The following SPATS2L variants were observed in gnomAD, a reference collection of about 807,000 sequenced individuals.
The protein encoded by SPATS2L is spermatogenesis associated serine rich 2 like.
In SPATS2L, 30 loss-of-function variants were observed where a neutral mutation model predicts 59.6. The ratio of observed to expected loss-of-function variants is 0.50; its 90% CI spans 0.38 to 0.68. The LOEUF (loss-of-function observed/expected upper bound fraction) is 0.68, where lower values mean the gene tolerates loss of function less well. SPATS2L is among the 30% of genes least tolerant of loss of function. The probability of loss-of-function intolerance (pLI) is 0.00; values close to 1 mark genes in which losing one functional copy is unlikely to be tolerated. For synonymous variants in SPATS2L, 252 were observed against 263.5 expected (o/e 0.96, Z 0.42); for missense variants, 615 against 700.0 (o/e 0.88, Z 1.37).
intron 1 of SPATS2L, among the ~76,000 whole-genome samples, chr2:200,313,283 A>C (rs1045161317): frequency 1.3e-5 from 2 of 152,240 alleles, no homozygotes; most frequent in African/African-American, 4.8e-5. Flanking sequence ...TAATCTACCA[A>C]GACCACAGAT....
At chr2:200,419,128 C>A in intron 5 of SPATS2L, 122 bp from the exon 6 acceptor site, 1 of 867,562 alleles carries the variant, frequency 1.2e-6, no homozygotes, top group Non-Finnish European at 1.7e-6. Context: ...TATTCTTCAT[C>A]CAGTCTATAA....
chr2:200,461,740 A>C (rs1028692296), intron 9 of SPATS2L, among the ~76,000 whole-genome samples: 1 of 152,248 alleles, frequency 6.6e-6, no homozygotes, highest in African/African-American at 2.4e-5. Flanking sequence ...AGAATGAAAG[A>C]TCAGACCAGA....
chr2:200,315,538 A>G (rs2079342719), intron 1 of SPATS2L, among the ~76,000 whole-genome samples: 1 of 152,168 alleles, frequency 6.6e-6, no homozygotes, highest in South Asian at 2.1e-4. Context: ...CTAGTGGGCT[A>G]AGTCCCAACT....
At chr2:200,352,115 G>A (rs987169351) in intron 2 of SPATS2L, among the ~76,000 whole-genome samples, 1 of 152,016 alleles carries the variant, frequency 6.6e-6, no homozygotes, top group African/African-American at 2.4e-5. Flanking sequence ...ATGCCTGACA[G>A]TGTAGCAATG....
intron 2 of SPATS2L, among the ~76,000 whole-genome samples, chr2:200,384,992 C>T (rs545636194): frequency 6.6e-6 from 1 of 152,214 alleles, no homozygotes; most frequent in African/African-American, 2.4e-5. Context: ...GAATAGTTAG[C>T]CCGCAGTAAT....
At chr2:200,419,710 A>ATTTTT (rs3033399) in intron 6 of SPATS2L, among the ~76,000 whole-genome samples, 1 of 131,686 alleles carries the variant, frequency 7.6e-6, no homozygotes, top group African/African-American at 2.8e-5. Context: ...AAGTCAGAGG[A>ATTTTT]TTTTTTTTTT....
At chr2:200,398,855 C>T (rs1295563713) in intron 3 of SPATS2L, among the ~76,000 whole-genome samples, 1 of 151,268 alleles carries the variant, frequency 6.6e-6, no homozygotes, top group Non-Finnish European at 1.5e-5. Flanking sequence ...TAGCACGTAA[C>T]CTCTCAGTAT....
chr2:200,358,991 C>A (rs539617643), intron 2 of SPATS2L, among the ~76,000 whole-genome samples: 1 of 6,816 alleles, frequency 1.5e-4, no homozygotes, highest in East Asian at 0.05. Context: ...GACCCTGACT[C>A]TTAAAAAAAA....
chr2:200,456,598 A>C (rs570866340), intron 8 of SPATS2L, among the ~76,000 whole-genome samples: 9 of 152,332 alleles, frequency 5.9e-5, no homozygotes, highest in African/African-American at 2.2e-4. Flanking sequence ...TTTGATCAAC[A>C]AAAGTGTTAC....
rs183899295 is a variant in SPATS2L at position 200,322,120 on chromosome 2, C to T, written c.-72-7311C>T. 8.5e-5 allele frequency among the ~76,000 whole-genome samples: 13 copies of T among 152,138 alleles called. No homozygotes were observed. In the East Asian group the frequency reaches 2.5e-3, roughly 29 times the overall value. ...GACTTACTCAATATAGTACCTCTTGCGTGTGTGTATTCTTATATGTTTTGG... is the reference window on the plus strand; with the variant it reads ...GACTTACTCAATATAGTACCTCTTGTGTGTGTGTATTCTTATATGTTTTGG... On this transcript the variant is annotated intron_variant, in intron 1 of 12. Coordinates refer to ENST00000409140, the MANE Select transcript of SPATS2L (RefSeq NM_001100423.2).
At chr2:200,451,052 C>G (rs2085402575) in intron 8 of SPATS2L, among the ~76,000 whole-genome samples, 1 of 152,212 alleles carries the variant, frequency 6.6e-6, no homozygotes, top group Non-Finnish European at 1.5e-5. Flanking sequence ...GGCACGGTGG[C>G]TCACACCTGT....
chr2:200,436,031 G>T (rs1373786499), intron 6 of SPATS2L, among the ~76,000 whole-genome samples: 2 of 152,012 alleles, frequency 1.3e-5, no homozygotes, highest in African/African-American at 4.8e-5. Flanking sequence ...ATCTCAATTT[G>T]GACAAGCCAC....
chr2:200,393,354 G>A (rs1356429379), intron 3 of SPATS2L: 6 of 456,544 alleles, frequency 1.3e-5, no homozygotes, highest in Non-Finnish European at 2.6e-5. Context: ...AGGCTGATCT[G>A]TTAGCACACA....
At chr2:200,306,215 A>AAAGCATTACTACCTT, upstream of SPATS2L, 1 of 1,002,142 alleles carries the variant, frequency 1.0e-6, no homozygotes, top group Non-Finnish European at 1.2e-6. Context: ...TCCTCTCCAG[A>AAAGCATTACTACCTT]AAGCATTACT....
At chr2:200,416,517 C>A in intron 5 of SPATS2L, 89 bp downstream of exon 5, 1 of 707,496 alleles carries the variant, frequency 1.4e-6, no homozygotes, top group South Asian at 3.0e-5. Context: ...CAATTTTTTG[C>A]TTCTTTCAAG....
In SPATS2L at chr2:200,419,949, C is replaced by T. The variant is rs191709020; in HGVS notation, c.445+453C>T. 3.9e-3 allele frequency among the ~76,000 whole-genome samples: 596 copies of T among 152,146 alleles called. 3 individuals are homozygous for T. The highest frequency in any genetic ancestry group is 0.014 in the African/African-American group (572 of 41,514). On this transcript the variant is annotated intron_variant, in intron 6 of 12. Transcript: ENST00000409140. ...TATAGACACATTTGCTAGAATTCAC[C>T]TGGGGTAATGAAGGAATAGTTGATG...
At chr2:200,399,302 T>A (rs547168516) in intron 3 of SPATS2L, among the ~76,000 whole-genome samples, 1 of 152,320 alleles carries the variant, frequency 6.6e-6, no homozygotes, top group South Asian at 2.1e-4. Flanking sequence ...ATGCTTCATA[T>A]GAGGGGAGTC....
chr2:200,474,096 G>A (rs2087301073), intron 12 of SPATS2L, among the ~76,000 whole-genome samples: 1 of 148,184 alleles, frequency 6.7e-6, no homozygotes, highest in South Asian at 2.1e-4. Flanking sequence ...CCAAGAAAAA[G>A]TCTTTTCTTT....
In SPATS2L at chr2:200,361,184, C is replaced by G. The variant is rs375460897; in HGVS notation, c.-22-28039C>G. Among the ~76,000 whole-genome samples, 7 of 148,836 alleles carry G rather than the reference C, an allele frequency of 4.7e-5. No individual in the cohort carries two copies. In the South Asian group the frequency reaches 8.4e-4, roughly 18 times the overall value. ...AATCTGTGGCACATTATAGAATGGA[C>G]ATAGGTGAAAGCATGTGGTCATGAG... On this transcript the variant is annotated intron_variant, in intron 2 of 12. Coordinates refer to ENST00000409140, the MANE Select transcript of SPATS2L (RefSeq NM_001100423.2).
Sources: gnomAD v4.1 joint callset for allele counts (sites outside exome capture counted in the v4.1 genomes callset) on GRCh38, gnomAD v4.1.1 for gene constraint, MANE v1.5 for transcripts, NCBI Gene and HGNC (gene_info 2026-07-23, HGNC 2026-07-21) for gene names.